Variants in CASR observed in about 807,000 individuals in gnomAD.
The protein encoded by CASR is calcium sensing receptor, also known as extracellular calcium-sensing receptor.
CASR carries 23 observed loss-of-function variants against 69.1 expected under a neutral mutation model. The ratio of observed to expected loss-of-function variants is 0.33; its 90% CI spans 0.24 to 0.47. The LOEUF is 0.47. CASR is among the 20% of genes least tolerant of loss of function. The pLI is 1.00. For synonymous variants in CASR, 541 were observed against 544.7 expected (o/e 0.99, Z 0.10); for missense variants, 924 against 1,356.1 (o/e 0.68, Z 5.00).
At chr3:122,278,744 G>A (rs1395516843) in intron 5 of CASR, among the ~76,000 whole-genome samples, 2 of 152,154 alleles carry the variant, frequency 1.3e-5, no homozygotes, top group Admixed American at 1.3e-4. Flanking sequence ...AGAGTTTGGT[G>A]TAGTGAAAAG....
At chr3:122,200,995 T>C (rs1289122256) in intron 1 of CASR, among the ~76,000 whole-genome samples, 1 of 41,146 alleles carries the variant, frequency 2.4e-5, no homozygotes, top group East Asian at 4.2e-4. Flanking sequence ...ATTGCTTTTC[T>C]TTTTTTTTTA....
chr3:122,193,414 AC>A (rs1337501357), intron 1 of CASR, among the ~76,000 whole-genome samples: 1 of 151,866 alleles, frequency 6.6e-6, no homozygotes, highest in Non-Finnish European at 1.5e-5. Flanking sequence ...ACAGGATTTC[AC>A]CATGTTGGCC....
intron 3 of CASR, among the ~76,000 whole-genome samples, chr3:122,258,538 G>C (rs1168391669): frequency 1.3e-5 from 2 of 152,248 alleles, no homozygotes; most frequent in East Asian, 3.9e-4. Context: ...ATCAGTAAAT[G>C]TGCTGCGTAT....
chr3:122,272,808 A>G (rs969156963), intron 4 of CASR, among the ~76,000 whole-genome samples: 1 of 152,222 alleles, frequency 6.6e-6, no homozygotes, highest in Non-Finnish European at 1.5e-5. Context: ...TCTTGTATTT[A>G]TCATGAGTTT....
chr3:122,219,706 G>T (rs567146839), intron 1 of CASR, among the ~76,000 whole-genome samples: 81 of 152,350 alleles, frequency 5.3e-4, no homozygotes, highest in African/African-American at 1.8e-3. Flanking sequence ...CAGGGATGGA[G>T]ATATGCCACC....
intron 1 of CASR, among the ~76,000 whole-genome samples, chr3:122,197,604 T>G (rs1301400389): frequency 6.6e-6 from 1 of 152,210 alleles, no homozygotes; most frequent in East Asian, 1.9e-4. Context: ...TGGGTTTTCA[T>G]TTGTTTTTCT....
At chr3:122,232,244 G>T (rs1431095524) in intron 1 of CASR, among the ~76,000 whole-genome samples, 1 of 152,140 alleles carries the variant, frequency 6.6e-6, no homozygotes, top group Non-Finnish European at 1.5e-5. Flanking sequence ...TGTGTCCTGA[G>T]TATGCCAGCA....
At position 122,210,994 on chromosome 3, in the gene CASR, T is replaced by A. The variant is rs140077329; in HGVS notation, c.-243+27182T>A. On this transcript the variant is annotated intron_variant, in intron 1 of 6. Transcript: ENST00000639785. ...CAAGAACAAGCAATGGGGAAAGGAT[T>A]CTCTGTTTAATAAATGGTGTTGGGA... Among the ~76,000 whole-genome samples the A allele has an allele frequency of 1.2e-3, 178 of 152,316 alleles. 1 individual carries two copies. The highest frequency in any genetic ancestry group is 4.0e-3 in the African/African-American group (166 of 41,566).
At chr3:122,276,654 A>C (rs2074824990) in intron 5 of CASR, among the ~76,000 whole-genome samples, 1 of 152,174 alleles carries the variant, frequency 6.6e-6, no homozygotes, top group South Asian at 2.1e-4. Flanking sequence ...CACAGCCTGG[A>C]CAGTTCACAC....
intron 3 of CASR, chr3:122,257,768 A>C (rs1271610993): frequency 5.7e-6 from 1 of 174,056 alleles, no homozygotes; most frequent in Non-Finnish European, 1.2e-5. Flanking sequence ...ATCTGTCCCG[A>C]ATTCCATTTC....
At chr3:122,248,313 A>T (rs541858934) in intron 1 of CASR, among the ~76,000 whole-genome samples, 1 of 152,348 alleles carries the variant, frequency 6.6e-6, no homozygotes, top group Non-Finnish European at 1.5e-5. Flanking sequence ...ATGTCTCTTC[A>T]GCAAGAGGTA....
intron 5 of CASR, among the ~76,000 whole-genome samples, chr3:122,277,383 G>T (rs554726326): frequency 2.0e-5 from 3 of 152,088 alleles, no homozygotes; most frequent in South Asian, 2.1e-4. Context: ...CCAAAGACTC[G>T]CTTCGTCTTC....
At position 122,282,184 on chromosome 3, in the gene CASR, C is replaced by T; in HGVS notation, c.1680C>T (p.Thr560=). The change falls in exon 6 of 7, where the codon ACC becomes ACT. Residue 560 remains threonine (T), a synonymous_variant. Coordinates refer to ENST00000639785, the MANE Select transcript of CASR (RefSeq NM_000388.4). ...AAGGGATCATTGAGGGGGAGCCCAC[C>T]TGCTGCTTTGAGTGTGTGGAGTGTC... ...TRKGIIEGEP[T]CCFECVECPD... 1 of 1,614,180 alleles carries T rather than the reference C, an allele frequency of 6.2e-7. No homozygotes were observed. The highest frequency in any genetic ancestry group is 1.7e-5 in the Admixed American group (1 of 60,028).
intron 5 of CASR, among the ~76,000 whole-genome samples, chr3:122,276,872 A>G (rs1205390972): frequency 2.6e-5 from 4 of 152,170 alleles, no homozygotes; most frequent in Non-Finnish European, 5.9e-5. Flanking sequence ...TGACCATTCT[A>G]TGATGTTTGT....
intron 5 of CASR, among the ~76,000 whole-genome samples, chr3:122,280,942 C>T (rs1244210284): frequency 1.3e-5 from 2 of 152,186 alleles, no homozygotes; most frequent in Admixed American, 6.5e-5. Flanking sequence ...TGTTGCAAAA[C>T]GGACTTCATT....
chr3:122,291,119 C>T lies in CASR; in HGVS notation c.*5928C>T, dbSNP rs2075008979. On this transcript the variant is annotated 3_prime_UTR_variant, in exon 7 of 7. Transcript: ENST00000639785. ...GTATATGTGCCACATTTTCTTAATC[C>T]AGTCTATCGTTGTTGGACATTTGGG... is the stretch of plus-strand genomic sequence containing the variant. The T allele has an allele frequency of 7.1e-6, 1 of 140,214 alleles. No individual in the cohort carries two copies. Among genetic ancestry groups the T allele is most frequent in the Non-Finnish European group, 1.6e-5 (1 of 64,008 alleles). 8.7% of individuals were successfully genotyped at this position (140,214 alleles called of 1,614,324 possible).
intron 5 of CASR, among the ~76,000 whole-genome samples, chr3:122,280,323 C>T (rs904877755): frequency 6.6e-6 from 1 of 152,172 alleles, no homozygotes. Context: ...TCTCACCACT[C>T]TTATTCAACA....
chr3:122,263,639 A>G (rs1202244017), intron 4 of CASR, among the ~76,000 whole-genome samples: 1 of 152,260 alleles, frequency 6.6e-6, no homozygotes, highest in Non-Finnish European at 1.5e-5. Context: ...CATGAAAGAC[A>G]AGGAGTGACT....
intron 4 of CASR, among the ~76,000 whole-genome samples, chr3:122,267,043 G>A (rs192673971): frequency 6.5e-4 from 99 of 152,208 alleles, no homozygotes; most frequent in Middle Eastern, 3.4e-3. Flanking sequence ...GTTCTCTCTC[G>A]GGCAGATATC....
Sources: gnomAD v4.1 joint callset for allele counts (sites outside exome capture counted in the v4.1 genomes callset) on GRCh38, gnomAD v4.1.1 for gene constraint, MANE v1.5 for transcripts, NCBI Gene and HGNC (gene_info 2026-07-23, HGNC 2026-07-21) for gene names.